The following COL14A1 variants were observed in gnomAD, a reference collection of about 807,000 sequenced individuals.
The protein encoded by COL14A1 is collagen alpha-1(XIV) chain.
Under a neutral mutation model 230.3 loss-of-function variants are expected in COL14A1, and 136 were observed. That is an observed-to-expected ratio of 0.59 (90% confidence interval 0.51 to 0.68). The LOEUF is 0.68. Ranked by LOEUF, COL14A1 falls within the 30% of genes least tolerant of loss-of-function variation. The pLI is 0.00. For missense variants in COL14A1, 1,976 were observed against 2,215.8 expected (o/e 0.89, Z 2.17); for synonymous variants, 792 against 784.1 (o/e 1.01, Z -0.17).
intron 45 of COL14A1, among the ~76,000 whole-genome samples, chr8:120,360,888 CA>C (rs1823180736): frequency 6.6e-6 from 1 of 152,064 alleles, no homozygotes; most frequent in Admixed American, 6.5e-5. Flanking sequence ...AAGGTCAGCC[CA>C]ATGGAAAGCA....
At chr8:120,348,117 T>A (rs1410399869) in intron 45 of COL14A1, among the ~76,000 whole-genome samples, 1 of 151,280 alleles carries the variant, frequency 6.6e-6, no homozygotes, top group Non-Finnish European at 1.5e-5. Flanking sequence ...TGCAAAAACG[T>A]GGAACCAACC....
intron 2 of COL14A1, among the ~76,000 whole-genome samples, chr8:120,151,735 G>A (rs1815292436): frequency 6.6e-6 from 1 of 151,336 alleles, no homozygotes; most frequent in Admixed American, 6.6e-5. Flanking sequence ...TAGTGAATAT[G>A]TTATATGGCA....
intron 45 of COL14A1, among the ~76,000 whole-genome samples, chr8:120,362,600 A>T (rs569865109): frequency 6.6e-6 from 1 of 152,322 alleles, no homozygotes; most frequent in South Asian, 2.1e-4. Context: ...GGCAACCTGA[A>T]GTGGTTTCTA....
intron 36 of COL14A1, among the ~76,000 whole-genome samples, chr8:120,307,092 C>T (rs186953829): frequency 1.3e-5 from 2 of 152,322 alleles, no homozygotes; most frequent in East Asian, 1.9e-4. Flanking sequence ...TCATCAAGGA[C>T]TTGTGCTTGC....
At chr8:120,338,618 G>A (rs1011514899) in intron 42 of COL14A1, among the ~76,000 whole-genome samples, 1 of 152,160 alleles carries the variant, frequency 6.6e-6, no homozygotes, top group Non-Finnish European at 1.5e-5. Context: ...AATCTTATAG[G>A]AGTGTTATAA....
At chr8:120,263,088 C>T in intron 24 of COL14A1, 74 bp downstream of exon 24, 1 of 1,445,946 alleles carries the variant, frequency 6.9e-7, no homozygotes. Flanking sequence ...GTTTCCTTAT[C>T]CCATTTAGAA....
chr8:120,291,655 T>C (rs544023173), intron 34 of COL14A1, among the ~76,000 whole-genome samples: 3 of 151,640 alleles, frequency 2.0e-5, no homozygotes, highest in Non-Finnish European at 4.4e-5. Flanking sequence ...AATACTATTA[T>C]TAATATTTTC....
At chr8:120,197,063 T>A in intron 6 of COL14A1, 117 bp downstream of exon 6, 1 of 942,656 alleles carries the variant, frequency 1.1e-6, no homozygotes, top group Non-Finnish European at 1.6e-6. Flanking sequence ...AGGATACTCA[T>A]GGTCCCCTAA....
At chr8:120,218,685 C>T (rs1359922559) in intron 14 of COL14A1, among the ~76,000 whole-genome samples, 3 of 152,130 alleles carry the variant, frequency 2.0e-5, no homozygotes, top group African/African-American at 7.2e-5. Flanking sequence ...AGAAAGACAA[C>T]AAACAAGACT....
intron 14 of COL14A1, among the ~76,000 whole-genome samples, chr8:120,222,777 AAAAT>A (rs1817971158): frequency 6.6e-6 from 1 of 152,000 alleles, no homozygotes; most frequent in Admixed American, 6.6e-5. Flanking sequence ...CACTCAAAAA[AAAAT>A]AATTCAACAT....
intron 22 of COL14A1, among the ~76,000 whole-genome samples, chr8:120,252,915 A>G (rs1586806263): frequency 2.0e-5 from 3 of 152,188 alleles, no homozygotes; most frequent in African/African-American, 7.2e-5. Flanking sequence ...CTGTCGTGGA[A>G]TATCTTGAGA....
At chr8:120,251,896 CCTTTTTG>C (rs1475075080) in intron 22 of COL14A1, among the ~76,000 whole-genome samples, 1 of 151,894 alleles carries the variant, frequency 6.6e-6, no homozygotes, top group East Asian at 1.9e-4. Flanking sequence ...ATACCTTTTT[CCTTTTTG>C]CTACTCTTTT....
chr8:120,278,337 T>A, intron 27 of COL14A1, 98 bp from the exon 28 acceptor site: 5 of 1,506,034 alleles, frequency 3.3e-6, no homozygotes, highest in Non-Finnish European at 4.4e-6. Flanking sequence ...AAAGATTTTT[T>A]TTTTCATTAA....
At chr8:120,318,586 G>A (rs1821321144) in intron 40 of COL14A1, among the ~76,000 whole-genome samples, 1 of 152,064 alleles carries the variant, frequency 6.6e-6, no homozygotes, top group South Asian at 2.1e-4. Context: ...ACAGACCTTG[G>A]ACACGAAGCA....
At chr8:120,219,011 T>C (rs56159702) in intron 14 of COL14A1, among the ~76,000 whole-genome samples, 82,326 of 150,958 alleles carry the variant, frequency 0.55, 23,230 homozygotes, top group African/African-American at 0.67. Flanking sequence ...AAAAAACAAA[T>C]TTTCTTATAT....
In COL14A1 at chr8:120,315,547, A is replaced by G. The variant is rs1247182941; in HGVS notation, c.4566A>G (p.Glu1522=). 7 of 1,613,468 alleles carry G rather than the reference A, an allele frequency of 4.3e-6. No homozygotes were observed. Among genetic ancestry groups the G allele is most frequent in the African/African-American group, 4.0e-5 (3 of 74,888 alleles). Residue 1522 remains glutamate (E), a synonymous_variant, in exon 39 of 48, where the codon GAA becomes GAG. Transcript: ENST00000297848. ...SIQGMPGMPG[E]KGEKGDTGLP... ...TGGATATTCAGGGAATGCCAGGAGA[A>G]AAAGGAGAGAAAGGAGATACTGGCC...
intron 40 of COL14A1, among the ~76,000 whole-genome samples, chr8:120,329,908 T>C (rs1821808311): frequency 6.6e-6 from 1 of 151,938 alleles, no homozygotes; most frequent in Non-Finnish European, 1.5e-5. Context: ...CAAGGGTGGG[T>C]GGAGGAGTGG....
intron 45 of COL14A1, among the ~76,000 whole-genome samples, chr8:120,346,554 AT>A (rs1822519857): frequency 6.6e-6 from 1 of 152,186 alleles, no homozygotes; most frequent in Non-Finnish European, 1.5e-5. Context: ...ACTATTTCAT[AT>A]TTATTTTGAC....
At chr8:120,201,338 A>G (rs548512762) in intron 8 of COL14A1, among the ~76,000 whole-genome samples, 28 of 152,252 alleles carry the variant, frequency 1.8e-4, no homozygotes, top group Admixed American at 3.9e-4. Context: ...TGCAGGAGCC[A>G]GCTCATGCCA....
Sources: gnomAD v4.1 joint callset for allele counts (sites outside exome capture counted in the v4.1 genomes callset) on GRCh38, gnomAD v4.1.1 for gene constraint, MANE v1.5 for transcripts, NCBI Gene and HGNC (gene_info 2026-07-23, HGNC 2026-07-21) for gene names.